The following SASH1 variants were observed in gnomAD, a reference collection of about 807,000 sequenced individuals.
SASH1 encodes SAM and SH3 domain-containing protein 1.
In SASH1, 44 loss-of-function variants were observed where a neutral mutation model predicts 125.2. The observed-to-expected ratio is 0.35, with a 90% confidence interval of 0.28 to 0.45. The LOEUF is 0.45. SASH1 is among the 20% of genes least tolerant of loss of function. The probability of loss-of-function intolerance (pLI) is 1.00; values close to 1 mark genes in which losing one functional copy is unlikely to be tolerated. For synonymous variants in SASH1, 639 were observed against 649.1 expected, an observed-to-expected ratio of 0.98 and a Z score of 0.24; for missense variants, 1,426 against 1,614.5, an observed-to-expected ratio of 0.88 and a Z score of 2.00.
chr6:148,454,445 G>A (rs1336485021), intron 4 of SASH1, among the ~76,000 whole-genome samples: 2 of 152,234 alleles, frequency 1.3e-5, no homozygotes, highest in African/African-American at 2.4e-5. Flanking sequence ...TAATCCGGCT[G>A]TTCTAAATTG....
intron 2 of SASH1, among the ~76,000 whole-genome samples, chr6:148,400,823 C>G (rs1332247728): frequency 6.6e-6 from 1 of 152,168 alleles, no homozygotes; most frequent in East Asian, 1.9e-4. Flanking sequence ...TCTCTCGCTC[C>G]CTCTCATTAG....
chr6:148,324,400 G>A (rs1780741455), intron 1 of SASH1, among the ~76,000 whole-genome samples: 1 of 152,096 alleles, frequency 6.6e-6, no homozygotes, highest in Admixed American at 6.6e-5. Flanking sequence ...TCCCACATCT[G>A]TGTTCCCTGC....
chr6:148,220,905 CTG>C, the SASH1 span, among the ~76,000 whole-genome samples: 1 of 152,196 alleles, frequency 6.6e-6, no homozygotes, highest in African/African-American at 2.4e-5. Context: ...CAGAGTGAGA[CTG>C]TGTCTCAAAA....
At chr6:148,448,290 GTCT>G (rs1776907050) in intron 4 of SASH1, among the ~76,000 whole-genome samples, 1 of 152,082 alleles carries the variant, frequency 6.6e-6, no homozygotes, top group African/African-American at 2.4e-5. Context: ...ACATGCTTAG[GTCT>G]TCTTTACTCT....
chr6:148,501,114 G>A (rs1779543132), intron 8 of SASH1, among the ~76,000 whole-genome samples: 1 of 151,822 alleles, frequency 6.6e-6, no homozygotes, highest in Non-Finnish European at 1.5e-5. Flanking sequence ...CTGACCTGGT[G>A]GCATAAGTTT....
intron 1 of SASH1, among the ~76,000 whole-genome samples, chr6:148,374,670 T>C (rs149671452): frequency 6.7e-6 from 1 of 149,924 alleles, no homozygotes; most frequent in African/African-American, 2.5e-5. Context: ...ACTTAAATTT[T>C]ATTGTGTGTA....
At chr6:148,242,313 T>G in the SASH1 span, among the ~76,000 whole-genome samples, 3 of 152,208 alleles carry the variant, frequency 2.0e-5, no homozygotes. Context: ...GGAACCTGGA[T>G]GGAAACCCTC....
intron 1 of SASH1, among the ~76,000 whole-genome samples, chr6:148,302,839 TATATAC>T (rs1780009031): frequency 9.3e-6 from 1 of 107,132 alleles, no homozygotes; most frequent in African/African-American, 3.5e-5. Flanking sequence ...TATATATATA[TATATAC>T]ACACACACAC....
the SASH1 span, among the ~76,000 whole-genome samples, chr6:148,260,645 A>C: frequency 2.6e-4 from 40 of 151,984 alleles, no homozygotes; most frequent in East Asian, 1.7e-3. Context: ...AATATTGCTT[A>C]AATTATCACG....
chr6:148,377,400 G>A (rs987685289), intron 1 of SASH1, among the ~76,000 whole-genome samples: 3 of 152,004 alleles, frequency 2.0e-5, no homozygotes, highest in African/African-American at 7.2e-5. Flanking sequence ...TTTCTGTCAG[G>A]ATATGAGAAG....
intron 7 of SASH1, among the ~76,000 whole-genome samples, chr6:148,476,318 T>A (rs1319486447): frequency 2.8e-5 from 4 of 141,900 alleles, no homozygotes; most frequent in South Asian, 2.2e-4. Flanking sequence ...TGTTCACGGA[T>A]TAGAAGAATC....
Position 148,532,210 on chromosome 6 carries a change from T to C in SASH1, c.1564+549T>C, listed in dbSNP as rs1781560612. 6.6e-6 allele frequency among the ~76,000 whole-genome samples: 1 copy of C among 152,092 alleles called. No individual in the cohort carries two copies. The highest frequency in any genetic ancestry group is 6.5e-5 in the Admixed American group (1 of 15,274). Reference sequence around the variant, plus strand: ...CTCCTGCCTCAGCCTTCCGCATAGCTGTACTACAGGGTCATGCCACCACAC... The same window carrying C: ...CTCCTGCCTCAGCCTTCCGCATAGCCGTACTACAGGGTCATGCCACCACAC... On this transcript the variant is annotated intron_variant, in intron 13 of 19. Coordinates refer to ENST00000367467, the MANE Select transcript of SASH1 (RefSeq NM_015278.5). This position sits in a 1 kb window ranked among gnomAD's most constrained non-coding sequence, Gnocchi z 4.7.
chr6:148,328,007 G>C (rs1021005067), intron 1 of SASH1, among the ~76,000 whole-genome samples: 1 of 151,624 alleles, frequency 6.6e-6, no homozygotes, highest in Non-Finnish European at 1.5e-5. Flanking sequence ...TGGCAAATTA[G>C]AGAATTATAC....
chr6:148,331,872 C>T (rs1196063166), intron 1 of SASH1, among the ~76,000 whole-genome samples: 3 of 151,676 alleles, frequency 2.0e-5, no homozygotes, highest in East Asian at 2.0e-4. Flanking sequence ...TTTGTAGAGA[C>T]GGGACCTCAC....
At chr6:148,504,208 A>G (rs1779675370) in intron 8 of SASH1, among the ~76,000 whole-genome samples, 1 of 152,210 alleles carries the variant, frequency 6.6e-6, no homozygotes, top group African/African-American at 2.4e-5. Flanking sequence ...TGCAATCAGC[A>G]GAGCTGTTTG....
chr6:148,390,337 C>T, intron 2 of SASH1, 75 bp downstream of exon 2: 1 of 1,430,874 alleles, frequency 7.0e-7, no homozygotes, highest in Non-Finnish European at 9.6e-7. Flanking sequence ...GTCTTTATCC[C>T]AGTGCTAGCT....
intron 1 of SASH1, chr6:148,380,010 T>C (rs916662357): frequency 6.6e-6 from 3 of 455,312 alleles, no homozygotes; most frequent in South Asian, 1.6e-5. Flanking sequence ...TTTTCAGTTG[T>C]TACCTGTCAG....
intron 2 of SASH1, among the ~76,000 whole-genome samples, chr6:148,416,537 C>T (rs1052607730): frequency 2.6e-5 from 4 of 152,120 alleles, no homozygotes; most frequent in Admixed American, 6.5e-5. Context: ...TGCTATGTGT[C>T]GCAAAACCCT....
Position 148,482,688 on chromosome 6 carries a change from A to ATTTTT in SASH1, c.628-4912_628-4908dup, listed in dbSNP as rs200708826. On this transcript the variant is annotated intron_variant, in intron 7 of 19. Transcript: ENST00000367467. The stretch of plus-strand genomic sequence containing the variant: ...AGGCATGTGCCACCACACCTGGCTA[A>ATTTTT]TTTTTTTTTTTTTTTTTTGAGAGAG... Among the ~76,000 whole-genome samples the ATTTTT allele has an allele frequency of 7.7e-3, 767 of 99,902 alleles. 39 individuals carry two copies. The highest frequency in any genetic ancestry group is 0.012 in the Non-Finnish European group (609 of 52,006). The allele number at this position is 99,902 out of a possible 152,430, so 65.5% of individuals were successfully genotyped here.
Sources: gnomAD v4.1 joint callset for allele counts (sites outside exome capture counted in the v4.1 genomes callset) on GRCh38, gnomAD v4.1.1 for gene constraint, Gnocchi (gnomAD v3.1) non-coding constraint, MANE v1.5 for transcripts, NCBI Gene and HGNC (gene_info 2026-07-23, HGNC 2026-07-21) for gene names.